Variants in ZNF257 observed in about 807,000 individuals in gnomAD.
ZNF257 encodes the protein zinc finger protein 257, also known as bone marrow zinc finger 4.
A neutral mutation model predicts 11.9 loss-of-function variants in ZNF257; 12 were observed. That is an observed-to-expected ratio of 1.01 (90% CI 0.65 to 1.63). The LOEUF (loss-of-function observed/expected upper bound fraction) is 1.63. Ranked by LOEUF, ZNF257 falls within the 40% of genes most tolerant of loss-of-function variation. The pLI, the probability that ZNF257 is intolerant of heterozygous loss-of-function variation, is 0.00. For missense variants in ZNF257, 580 were observed against 665.5 expected (o/e 0.87, Z 1.41); for synonymous variants, 183 against 222.7 (o/e 0.82, Z 1.59).
intron 1 of ZNF257, among the ~76,000 whole-genome samples, chr19:22,054,807 C>T (rs557308273): frequency 1.3e-5 from 2 of 151,698 alleles, no homozygotes; most frequent in Non-Finnish European, 2.9e-5. Flanking sequence ...TTCACCCACC[C>T]TTTAGTTTTG....
intron 1 of ZNF257, among the ~76,000 whole-genome samples, chr19:22,062,320 T>C (rs2021824865): frequency 6.6e-6 from 1 of 151,094 alleles, no homozygotes; most frequent in African/African-American, 2.4e-5. Context: ...GAGACGGGGT[T>C]TCACCAAATT....
chr19:22,059,909 T>G (rs541478525), intron 1 of ZNF257, among the ~76,000 whole-genome samples: 1 of 152,120 alleles, frequency 6.6e-6, no homozygotes, highest in African/African-American at 2.4e-5. Flanking sequence ...TTTCTATTTT[T>G]TGTAGACATG....
At chr19:22,066,772 G>T (rs1424855599) in intron 1 of ZNF257, among the ~76,000 whole-genome samples, 2 of 152,136 alleles carry the variant, frequency 1.3e-5, no homozygotes, top group Non-Finnish European at 2.9e-5. Context: ...ATTATCAAGT[G>T]AATTTAGAAT....
At chr19:22,067,272 T>G (rs919396143) in intron 1 of ZNF257, among the ~76,000 whole-genome samples, 2 of 152,136 alleles carry the variant, frequency 1.3e-5, no homozygotes, top group African/African-American at 4.8e-5. Flanking sequence ...GACCTGAAAC[T>G]GATTCACAGA....
intron 3 of ZNF257, among the ~76,000 whole-genome samples, chr19:22,087,233 A>G (rs192967531): frequency 1.4e-5 from 2 of 138,854 alleles, no homozygotes; most frequent in Non-Finnish European, 1.5e-5. Flanking sequence ...TGGGACATTT[A>G]AAAAAAAAAA....
Position 22,052,537 on chromosome 19 carries a change from T to G in ZNF257, c.-96T>G, listed in dbSNP as rs889028730. On this transcript the variant is annotated 5_prime_UTR_variant, in exon 1 of 4. Coordinates refer to ENST00000594947, the MANE Select transcript of ZNF257 (RefSeq NM_033468.4). Reference sequence around the variant, plus strand: ...CAGGTCTCGTCTTCCCTGGTCTGTGTCCTCTTCTCCTAGGGGCCCAGCCTC... The same window carrying G: ...CAGGTCTCGTCTTCCCTGGTCTGTGGCCTCTTCTCCTAGGGGCCCAGCCTC... The G allele has an allele frequency of 6.2e-6, 9 of 1,461,132 alleles. No homozygotes were observed. The East Asian group carries it at 2.2e-4, about 35-fold the overall frequency. 90.5% of individuals were successfully genotyped at this position (1,461,132 alleles called of 1,614,324 possible). A position where few individuals can be genotyped will look rare whatever the true frequency, so the allele number is the denominator to read the frequency against.
At chr19:22,054,219 C>G (rs2021565093) in intron 1 of ZNF257, among the ~76,000 whole-genome samples, 1 of 151,868 alleles carries the variant, frequency 6.6e-6, no homozygotes, top group African/African-American at 2.4e-5. Context: ...ATTACAGGCA[C>G]CCACCACCAC....
chr19:22,080,591 T>C (rs965748386), intron 3 of ZNF257, among the ~76,000 whole-genome samples: 1 of 148,028 alleles, frequency 6.8e-6, no homozygotes, highest in African/African-American at 2.5e-5. Flanking sequence ...CAAATCTTTT[T>C]TTTTTTAAAT....
At chr19:22,060,243 A>G (rs868392975) in intron 1 of ZNF257, among the ~76,000 whole-genome samples, 4 of 152,200 alleles carry the variant, frequency 2.6e-5, no homozygotes, top group Non-Finnish European at 4.4e-5. Flanking sequence ...GCTTTTCACA[A>G]TGGTTGAACT....
chr19:22,081,110 C>CACG (rs1364985442), intron 3 of ZNF257, among the ~76,000 whole-genome samples: 1 of 151,838 alleles, frequency 6.6e-6, no homozygotes, highest in African/African-American at 2.4e-5. Context: ...AACTCCTGAC[C>CACG]TCGTCATCCA....
chr19:22,066,682 C>T (rs1216118767), intron 1 of ZNF257, among the ~76,000 whole-genome samples: 1 of 152,206 alleles, frequency 6.6e-6, no homozygotes, highest in Non-Finnish European at 1.5e-5. Context: ...AGTGGCAAAA[C>T]TGCCTTTTGT....
intron 1 of ZNF257, among the ~76,000 whole-genome samples, chr19:22,056,949 G>A (rs4542784): frequency 0.24 from 36,133 of 151,988 alleles, 5,842 homozygotes; most frequent in African/African-American, 0.46. Context: ...TAATTGATGA[G>A]TTACATGGAT....
intron 3 of ZNF257, among the ~76,000 whole-genome samples, chr19:22,080,635 A>G (rs1192437283): frequency 6.6e-6 from 1 of 151,882 alleles, no homozygotes; most frequent in East Asian, 1.9e-4. Flanking sequence ...TGTGTATTCA[A>G]AATAATTTAT....
At position 22,088,762 on chromosome 19, in the gene ZNF257, C is replaced by A; in HGVS notation, c.1012C>A (p.His338Asn). 1 of 1,612,308 alleles carries A rather than the reference C, an allele frequency of 6.2e-7. No individual in the cohort carries two copies. The highest frequency in any genetic ancestry group is 1.1e-5 in the South Asian group (1 of 90,984). ...SSALTRHKMI[H>N]TGEKPFQCEE... is the part of the protein sequence containing the mutation. ...AGCCCTTACTCGACATAAGATGATT[C>A]ATACTGGAGAGAAACCCTTCCAATG... Residue 338 changes from histidine (H) to asparagine (N), a missense_variant, in exon 4 of 4, where the codon CAT becomes AAT. Physicochemically the swap from His to Asn is moderately conservative, Grantham distance 68. Transcript: ENST00000594947.
chr19:22,070,137 AG>A (rs2145699820), intron 1 of ZNF257, among the ~76,000 whole-genome samples: 1 of 151,748 alleles, frequency 6.6e-6, no homozygotes, highest in Admixed American at 6.6e-5. Context: ...TATGTATTTT[AG>A]GGTCTTTTTA....
At position 22,088,967 on chromosome 19, in the gene ZNF257, G is replaced by A. The variant is rs772081641; in HGVS notation, c.1217G>A (p.Cys406Tyr). 5.6e-6 allele frequency: 9 copies of A among 1,610,600 alleles called. No individual in the cohort carries two copies. The highest frequency in any genetic ancestry group is 7.6e-6 in the Non-Finnish European group (9 of 1,179,140). Reference protein sequence around the residue: ...REKAYKCDEYCKAFNWSSALT... With the variant: ...REKAYKCDEYYKAFNWSSALT... ...AAGGCCTACAAATGTGATGAATATTGCAAAGCTTTTAACTGGTCCTCAGCT... is the reference window on the plus strand; with the variant it reads ...AAGGCCTACAAATGTGATGAATATTACAAAGCTTTTAACTGGTCCTCAGCT... The change falls in exon 4 of 4, where the codon TGC becomes TAC. Residue 406 changes from cysteine to tyrosine, a missense_variant. By Grantham distance (194) the Cys-to-Tyr change is radical (BLOSUM62 -2). Coordinates refer to ENST00000594947, the MANE Select transcript of ZNF257 (RefSeq NM_033468.4).
Position 22,091,071 on chromosome 19 carries a change from CTTTTA to C in ZNF257, c.*1633_*1637del, listed in dbSNP as rs764894157. The C allele has an allele frequency of 1.3e-5, 2 of 151,984 alleles. No homozygotes were observed. Among genetic ancestry groups the C allele is most frequent in the East Asian group, 3.8e-4 (2 of 5,196 alleles). The allele number at this position is 151,984 out of a possible 1,614,324, so 9.4% of individuals were successfully genotyped here. Reference sequence around the variant, plus strand: ...GTACCATATAATGTTAGTGATTGTACTTTTATTTAATAAAATGCAGTACATTTTAA... The same window carrying C: ...GTACCATATAATGTTAGTGATTGTACTTTAATAAAATGCAGTACATTTTAA... On this transcript the variant is annotated 3_prime_UTR_variant, in exon 4 of 4. Transcript: ENST00000594947.
At chr19:22,064,458 T>G (rs891733201) in intron 1 of ZNF257, 3 of 152,236 alleles carry the variant, frequency 2.0e-5, no homozygotes, top group Non-Finnish European at 4.4e-5. Flanking sequence ...GTCGACAGTT[T>G]TGTTTATATC....
At chr19:22,065,523 T>C (rs893360581) in intron 1 of ZNF257, among the ~76,000 whole-genome samples, 1 of 152,126 alleles carries the variant, frequency 6.6e-6, no homozygotes, top group Non-Finnish European at 1.5e-5. Flanking sequence ...TTAAAAAATT[T>C]TACATTTATT....
Sources: allele counts gnomAD v4.1 joint callset (sites outside exome capture counted in the v4.1 genomes callset), GRCh38; gene constraint gnomAD v4.1.1; transcripts MANE v1.5; gene names NCBI Gene and HGNC (gene_info 2026-07-23, HGNC 2026-07-21).